Variants in SLC12A7 observed in about 807,000 individuals in gnomAD.
SLC12A7 encodes the protein K-Cl cotransporter 4.
SLC12A7 carries 100 observed loss-of-function variants against 120.6 expected under a neutral mutation model. That is an observed-to-expected ratio of 0.83 (90% CI 0.71 to 0.98). The LOEUF (loss-of-function observed/expected upper bound fraction) is 0.98. SLC12A7 is among the 50% of genes least tolerant of loss of function. The probability of loss-of-function intolerance (pLI) is 0.00; values close to 1 mark genes in which losing one functional copy is unlikely to be tolerated. For missense variants in SLC12A7, 1,373 were observed against 1,548.1 expected (o/e 0.89, Z 1.90); for synonymous variants, 760 against 678.0 (o/e 1.12, Z -1.88).
At position 1,077,262 on chromosome 5, in the gene SLC12A7, G is replaced by A. The variant is rs569655064; in HGVS notation, c.1630-450C>T. Reference sequence around the variant, plus strand: ...GGACTGAAGATGCAACCACACAAAGGCCCTGCGGGTCGGCACCCTGCCGAG... The same window carrying A: ...GGACTGAAGATGCAACCACACAAAGACCCTGCGGGTCGGCACCCTGCCGAG... On this transcript the variant is annotated intron_variant, in intron 12 of 23. Transcript: ENST00000264930. 8.1e-4 allele frequency among the ~76,000 whole-genome samples: 124 copies of A among 152,302 alleles called. 1 individual carries two copies. In the East Asian group the frequency reaches 0.022, roughly 27 times the overall value.
At chr5:1,098,465 T>C (rs868133592) in intron 1 of SLC12A7, among the ~76,000 whole-genome samples, 3 of 224 alleles carry the variant, frequency 0.013, no homozygotes, top group African/African-American at 0.019. Context: ...CCCAGCCCCC[T>C]TCTAACCCTC....
At chr5:1,133,276 G>A in the SLC12A7 span, among the ~76,000 whole-genome samples, 1 of 152,204 alleles carries the variant, frequency 6.6e-6, no homozygotes, top group Non-Finnish European at 1.5e-5. Flanking sequence ...CCCTGCGCTG[G>A]GCTAATGGCT....
At chr5:1,105,859 C>T (rs1291853915) in intron 1 of SLC12A7, among the ~76,000 whole-genome samples, 1 of 152,182 alleles carries the variant, frequency 6.6e-6, no homozygotes, top group African/African-American at 2.4e-5. Flanking sequence ...CCAGCTGGTC[C>T]ACTCCTGAAT....
At chr5:1,133,929 A>G in the SLC12A7 span, among the ~76,000 whole-genome samples, 55,316 of 151,884 alleles carry the variant, frequency 0.36, 10,276 homozygotes, top group South Asian at 0.43. Flanking sequence ...TAACCGCTGC[A>G]TGGCCTTCCT....
intron 22 of SLC12A7, among the ~76,000 whole-genome samples, chr5:1,053,858 C>G (rs1735315883): frequency 6.6e-6 from 1 of 152,246 alleles, no homozygotes; most frequent in Non-Finnish European, 1.5e-5. Context: ...TGCCTGACGC[C>G]TTCAAGGCTG....
chr5:1,085,425 C>T lies in SLC12A7; in HGVS notation c.724G>A (p.Gly242Ser), dbSNP rs1247899203. Residue 242 changes from glycine to serine, a missense_variant, in exon 7 of 24, where the codon GGC becomes AGC. Physicochemically the swap from Gly to Ser is moderately conservative, Grantham distance 56 (BLOSUM62 0). Transcript: ENST00000264930. Reference protein sequence around the residue: ...AAIFQAEAAGGEAAAMLHNMR... With the variant: ...AAIFQAEAAGSEAAAMLHNMR... ...TTGTGCAGCATGGCGGCCGCCTCGC[C>T]ACCTGCAGCCTCCGCCTGGAAGATG... 4.3e-6 allele frequency: 7 copies of T among 1,609,754 alleles called. No homozygotes were observed. Among genetic ancestry groups the T allele is most frequent in the Admixed American group, 3.3e-5 (2 of 59,716 alleles).
the SLC12A7 span, among the ~76,000 whole-genome samples, chr5:1,149,263 C>T: frequency 6.6e-6 from 1 of 152,084 alleles, no homozygotes; most frequent in African/African-American, 2.4e-5. Flanking sequence ...TCCTCACCAA[C>T]ACGGTATTGT....
At chr5:1,055,349 C>T (rs1735499373) in intron 22 of SLC12A7, among the ~76,000 whole-genome samples, 1 of 152,246 alleles carries the variant, frequency 6.6e-6, no homozygotes, top group African/African-American at 2.4e-5. Context: ...ACACGTCCAC[C>T]GGCAGGTGCG....
At chr5:1,122,799 T>C in the SLC12A7 span, among the ~76,000 whole-genome samples, 14 of 152,368 alleles carry the variant, frequency 9.2e-5, no homozygotes, top group African/African-American at 3.1e-4. Context: ...ACGGGCACGT[T>C]TTGTTCACCC....
the SLC12A7 span, among the ~76,000 whole-genome samples, chr5:1,139,070 G>C: frequency 1.1e-4 from 6 of 53,034 alleles, no homozygotes; most frequent in African/African-American, 1.4e-3. Context: ...CTTGGGGTGG[G>C]GGGGGGGCTC....
At chr5:1,152,418 CCT>C in the SLC12A7 span, among the ~76,000 whole-genome samples, 22 of 152,236 alleles carry the variant, frequency 1.4e-4, no homozygotes, top group Admixed American at 1.4e-3. Context: ...CCGGAAAGCC[CCT>C]GTCAGACCTG....
chr5:1,083,111 A>G (rs1479487708), intron 8 of SLC12A7, among the ~76,000 whole-genome samples: 1 of 150,052 alleles, frequency 6.7e-6, no homozygotes, highest in African/African-American at 2.5e-5. Context: ...GGTTCTGGAA[A>G]GTCCGGGCTT....
the SLC12A7 span, among the ~76,000 whole-genome samples, chr5:1,134,469 T>TA: frequency 0.098 from 14,323 of 146,684 alleles, 2,265 homozygotes; most frequent in African/African-American, 0.33. Context: ...AAATTCTGTT[T>TA]AAAAAAAAAA....
At chr5:1,104,377 T>C (rs531365363) in intron 1 of SLC12A7, among the ~76,000 whole-genome samples, 128 of 152,286 alleles carry the variant, frequency 8.4e-4, no homozygotes, top group Non-Finnish European at 1.1e-3. Flanking sequence ...GGACATCCCC[T>C]GTGCACGGGA....
chr5:1,088,692 G>A (rs1238672024), intron 4 of SLC12A7, among the ~76,000 whole-genome samples: 4 of 152,220 alleles, frequency 2.6e-5, no homozygotes, highest in Admixed American at 6.5e-5. Flanking sequence ...CCCACCACTG[G>A]CTGAGATGCC....
chr5:1,091,258 A>G (rs4975658), intron 3 of SLC12A7, among the ~76,000 whole-genome samples: 139,410 of 152,186 alleles, frequency 0.92, 65,048 homozygotes, highest in East Asian at 1. Flanking sequence ...ATGAACAAAC[A>G]CACCTGCCTG....
the SLC12A7 span, among the ~76,000 whole-genome samples, chr5:1,154,263 G>T: frequency 6.6e-6 from 1 of 151,514 alleles, no homozygotes; most frequent in Non-Finnish European, 1.5e-5. Context: ...AACCTATCTA[G>T]GGCACTGAGC....
At chr5:1,110,837 G>A (rs1176230840) in intron 1 of SLC12A7, among the ~76,000 whole-genome samples, 2 of 152,214 alleles carry the variant, frequency 1.3e-5, no homozygotes, top group African/African-American at 2.4e-5. Flanking sequence ...CCCTGATGAC[G>A]CACCCCAGGC....
intron 17 of SLC12A7, among the ~76,000 whole-genome samples, chr5:1,069,655 G>A (rs1737437620): frequency 6.6e-6 from 1 of 152,232 alleles, no homozygotes; most frequent in African/African-American, 2.4e-5. Context: ...CCCTTGGCAT[G>A]AAAATCACGC....
Sources: allele counts gnomAD v4.1 joint callset (sites outside exome capture counted in the v4.1 genomes callset), GRCh38; gene constraint gnomAD v4.1.1; transcripts MANE v1.5; gene names NCBI Gene and HGNC (gene_info 2026-07-23, HGNC 2026-07-21).